The following FAM117B variants were observed in gnomAD, a reference collection of about 807,000 sequenced individuals.
FAM117B encodes the protein family with sequence similarity 117 member B, also known as protein FAM117B.
Under a neutral mutation model 52.8 loss-of-function variants are expected in FAM117B, and 22 were observed. The ratio of observed to expected loss-of-function variants is 0.42; its 90% CI spans 0.30 to 0.59. FAM117B has a LOEUF of 0.59. Among genes scored for constraint, FAM117B ranks in the 20% least tolerant of loss-of-function variants. The pLI, the probability that FAM117B is intolerant of heterozygous loss-of-function variation, is 0.22. For missense variants in FAM117B, 678 were observed against 802.6 expected, an observed-to-expected ratio of 0.84 and a Z score of 1.88; for synonymous variants, 309 against 324.1, an observed-to-expected ratio of 0.95 and a Z score of 0.50.
intron 1 of FAM117B, among the ~76,000 whole-genome samples, chr2:202,680,940 TATTTG>T (rs1173561121): frequency 3.9e-5 from 6 of 152,202 alleles, no homozygotes; most frequent in African/African-American, 9.6e-5. Context: ...CTTTGGACAT[TATTTG>T]ATTTATTTAT....
intron 1 of FAM117B, among the ~76,000 whole-genome samples, chr2:202,678,730 A>AT (rs960568069): frequency 7.9e-5 from 12 of 152,058 alleles, no homozygotes; most frequent in African/African-American, 2.4e-4. Context: ...CTAATTTTGT[A>AT]TTTTTTTAGT....
At chr2:202,742,995 A>T (rs540737360) in intron 4 of FAM117B, among the ~76,000 whole-genome samples, 2 of 152,280 alleles carry the variant, frequency 1.3e-5, no homozygotes, top group Non-Finnish European at 2.9e-5. Context: ...CTGCTACTGC[A>T]CTGCCAACAC....
intron 7 of FAM117B, among the ~76,000 whole-genome samples, chr2:202,765,104 A>C (rs890341686): frequency 2.6e-5 from 4 of 152,208 alleles, no homozygotes; most frequent in Admixed American, 6.5e-5. Flanking sequence ...CTTTTGCTAT[A>C]GGAAATTCAT....
At chr2:202,757,499 A>T in intron 6 of FAM117B, 61 bp downstream of exon 6, 1 of 1,485,340 alleles carries the variant, frequency 6.7e-7, no homozygotes, top group Non-Finnish European at 9.3e-7. Context: ...TGTATCATTC[A>T]TTCTATTCAT....
intron 2 of FAM117B, among the ~76,000 whole-genome samples, chr2:202,719,849 GTTT>G (rs1419087675): frequency 6.6e-6 from 1 of 152,076 alleles, no homozygotes; most frequent in Non-Finnish European, 1.5e-5. Context: ...TGACATTAAT[GTTT>G]TTTAAGAGTG....
rs570915879 is a variant in FAM117B at position 202,756,597 on chromosome 2, C to T, written c.1105-616C>T. Among the ~76,000 whole-genome samples, 11 of 152,192 alleles carry T rather than the reference C, an allele frequency of 7.2e-5. No homozygotes were observed. In the South Asian group the frequency reaches 2.3e-3, roughly 32 times the overall value. On this transcript the variant is annotated intron_variant, in intron 5 of 7. Transcript: ENST00000392238. Reference sequence around the variant, plus strand: ...AGGTTGGTTTAGCTTAGAGAAAATACAGCTCCCCACACCCTCTCCTCCATC... The same window carrying T: ...AGGTTGGTTTAGCTTAGAGAAAATATAGCTCCCCACACCCTCTCCTCCATC...
chr2:202,658,608 T>C (rs1690084085), intron 1 of FAM117B, among the ~76,000 whole-genome samples: 1 of 152,170 alleles, frequency 6.6e-6, no homozygotes, highest in Non-Finnish European at 1.5e-5. Context: ...AGCCTAAGAA[T>C]ATCTTTACTG....
chr2:202,668,073 A>G (rs1372051317), intron 1 of FAM117B, among the ~76,000 whole-genome samples: 1 of 143,892 alleles, frequency 6.9e-6, no homozygotes, highest in African/African-American at 2.7e-5. Flanking sequence ...TATTGTAAAT[A>G]TATATCATAT....
At chr2:202,719,408 A>G (rs1298877470) in intron 2 of FAM117B, among the ~76,000 whole-genome samples, 1 of 152,138 alleles carries the variant, frequency 6.6e-6, no homozygotes, top group East Asian at 1.9e-4. Flanking sequence ...TTTGAGAAAA[A>G]TCTTAAGTTT....
intron 4 of FAM117B, among the ~76,000 whole-genome samples, chr2:202,735,933 C>G (rs1452830338): frequency 6.6e-6 from 1 of 152,030 alleles, no homozygotes; most frequent in Non-Finnish European, 1.5e-5. Flanking sequence ...ATCCCTACCC[C>G]CGAGGTAAGA....
chr2:202,710,770 A>G (rs1256313524), intron 2 of FAM117B, among the ~76,000 whole-genome samples: 1 of 152,078 alleles, frequency 6.6e-6, no homozygotes, highest in Non-Finnish European at 1.5e-5. Flanking sequence ...CCATGAGTTC[A>G]GTTGTTTTAA....
At chr2:202,717,030 A>G (rs1184107023) in intron 2 of FAM117B, among the ~76,000 whole-genome samples, 1 of 152,110 alleles carries the variant, frequency 6.6e-6, no homozygotes, top group African/African-American at 2.4e-5. Context: ...TCATTTGGTG[A>G]GGTCATGCTT....
intron 4 of FAM117B, among the ~76,000 whole-genome samples, chr2:202,738,341 G>A (rs1319261756): frequency 6.6e-6 from 1 of 152,126 alleles, no homozygotes; most frequent in African/African-American, 2.4e-5. Context: ...TTTCAGTCTT[G>A]AATCAGAACA....
intron 1 of FAM117B, among the ~76,000 whole-genome samples, chr2:202,652,544 T>C (rs1476311300): frequency 6.6e-6 from 1 of 152,184 alleles, no homozygotes; most frequent in Admixed American, 6.5e-5. Flanking sequence ...AAGAAGAACA[T>C]ATGTAGTATT....
intron 1 of FAM117B, among the ~76,000 whole-genome samples, chr2:202,681,458 G>A (rs1690461466): frequency 6.6e-6 from 1 of 152,168 alleles, no homozygotes; most frequent in East Asian, 1.9e-4. Context: ...GGAATAAGAT[G>A]CACTGTACAA....
rs1689661154 is a variant in FAM117B, at chr2:202,635,334, GCAA to G, written c.150_152del (p.Gln50del). On this transcript the variant is annotated inframe_deletion, in exon 1 of 8. Coordinates refer to ENST00000392238, the MANE Select transcript of FAM117B (RefSeq NM_173511.4). ...TCCAGCTGAAGCAGCAGCAGCAGCA[GCAA>G]CATGGCAGCCCCACGCGGAGCGGCG... 2 of 1,414,616 alleles carry G rather than the reference GCAA, an allele frequency of 1.4e-6. No homozygotes were observed. Among genetic ancestry groups the G allele is most frequent in the Non-Finnish European group, 9.2e-7 (1 of 1,083,606 alleles). The allele number at this position is 1,414,616 out of a possible 1,614,324, so 87.6% of individuals were successfully genotyped here. A position where few individuals can be genotyped will look rare whatever the true frequency, so the allele number is the denominator to read the frequency against.
At position 202,717,363 on chromosome 2, in the gene FAM117B, C is replaced by T. The variant is rs758134481; in HGVS notation, c.754-7554C>T. ...TGGCATATGCCTATAGTCTCAGCTA[C>T]TTGGAGGCTGAGGTGGGAGGATCAC... On this transcript the variant is annotated intron_variant, in intron 2 of 7. Coordinates refer to ENST00000392238, the MANE Select transcript of FAM117B (RefSeq NM_173511.4). Among the ~76,000 whole-genome samples, 2 of 152,066 alleles carry T rather than the reference C, an allele frequency of 1.3e-5. 1 individual carries two copies. Among genetic ancestry groups the T allele is most frequent in the African/African-American group, 4.8e-5 (2 of 41,392 alleles).
At chr2:202,689,148 A>C (rs144742815) in intron 1 of FAM117B, among the ~76,000 whole-genome samples, 1 of 152,336 alleles carries the variant, frequency 6.6e-6, no homozygotes, top group East Asian at 1.9e-4. Context: ...TACTCATTAA[A>C]GTGGTTTTCT....
chr2:202,657,402 T>A (rs1417635072), intron 1 of FAM117B, among the ~76,000 whole-genome samples: 1 of 152,224 alleles, frequency 6.6e-6, no homozygotes, highest in Non-Finnish European at 1.5e-5. Context: ...TTGTGTTTTT[T>A]AAATCTAGTC....
Sources: gnomAD v4.1 joint callset for allele counts (sites outside exome capture counted in the v4.1 genomes callset) on GRCh38, gnomAD v4.1.1 for gene constraint, MANE v1.5 for transcripts, NCBI Gene and HGNC (gene_info 2026-07-23, HGNC 2026-07-21) for gene names.